SEMA4A: variants seen among roughly 807,000 people sequenced by gnomAD.
SEMA4A encodes semaphorin 4A.
SEMA4A carries 52 observed loss-of-function variants against 72.5 expected under a neutral mutation model. That is an observed-to-expected ratio of 0.72 (90% confidence interval 0.57 to 0.90). The LOEUF (loss-of-function observed/expected upper bound fraction) is 0.90. Among genes scored for constraint, SEMA4A ranks in the 40% least tolerant of loss-of-function variants. The probability of loss-of-function intolerance (pLI) is 0.00; values close to 1 mark genes in which losing one functional copy is unlikely to be tolerated. For synonymous variants in SEMA4A, 369 were observed against 393.1 expected (o/e 0.94, Z 0.73); for missense variants, 926 against 959.7 (o/e 0.96, Z 0.46).
intron 7 of SEMA4A, 109 bp downstream of exon 7, chr1:156,160,668 G>T: frequency 9.3e-7 from 1 of 1,073,784 alleles, no homozygotes; most frequent in South Asian, 1.3e-5. Flanking sequence ...GTTAGGCGCA[G>T]GGGGTATATG....
chr1:156,168,476 G>T (rs570388161), intron 10 of SEMA4A, among the ~76,000 whole-genome samples: 1 of 152,052 alleles, frequency 6.6e-6, no homozygotes, highest in East Asian at 1.9e-4. Flanking sequence ...TGCCCGTCTC[G>T]GCCTCCCAAA....
At chr1:156,161,310 G>GGGGGGGGGGGGGGGGGGCCCC in intron 8 of SEMA4A, 36 bp from the exon 9 acceptor site, 2 of 1,381,208 alleles carry the variant, frequency 1.4e-6, no homozygotes, top group East Asian at 2.8e-5. Context: ...GGGTCGGGGC[G>GGGGGGGGGGGGGGGGGGCCCC]CCCGGGGCGC....
intron 2 of SEMA4A, 163 bp downstream of exon 2, chr1:156,154,880 A>G (rs1454746360): frequency 3.2e-6 from 3 of 929,318 alleles, no homozygotes; most frequent in Non-Finnish European, 4.7e-6. Context: ...AGAGAGACAC[A>G]GCCAGAAACA....
chr1:156,172,933 G>C lies in SEMA4A; in HGVS notation c.1242G>C (p.Glu414Asp). 6.2e-7 allele frequency: 1 copy of C among 1,614,162 alleles called. No homozygotes were observed. Among genetic ancestry groups the C allele is most frequent in the Non-Finnish European group, 8.5e-7 (1 of 1,180,000 alleles). Reference protein sequence around the residue: ...GTPLLVKSGVEYTRLAVETAQ... With the variant: ...GTPLLVKSGVDYTRLAVETAQ... ...CCCTGCTGGTGAAATCTGGCGTGGA[G>C]TATACACGGCTTGCAGTGGAGACAG... Residue 414 changes from glutamate (E) to aspartate (D), a missense_variant, in exon 11 of 15, where the codon GAG becomes GAC. Coordinates refer to ENST00000368285, the MANE Select transcript of SEMA4A (RefSeq NM_022367.4).
At chr1:156,163,293 G>A in intron 10 of SEMA4A, 199 bp downstream of exon 10, 1 of 621,346 alleles carries the variant, frequency 1.6e-6, no homozygotes, top group South Asian at 1.9e-5. Flanking sequence ...GCAGTTGCTG[G>A]AGCCATCTCC....
intron 3 of SEMA4A, among the ~76,000 whole-genome samples, chr1:156,156,798 C>G (rs1391952774): frequency 1.3e-5 from 2 of 148,682 alleles, no homozygotes; most frequent in Non-Finnish European, 3.0e-5. Flanking sequence ...GGCTGGAGTA[C>G]AGTGGCACGA....
At chr1:156,158,616 G>T in intron 5 of SEMA4A, 103 bp from the exon 6 acceptor site, 1 of 1,311,978 alleles carries the variant, frequency 7.6e-7, no homozygotes, top group Non-Finnish European at 1.1e-6. Flanking sequence ...CCTGGCCCCA[G>T]ACCAATTTCC....
At chr1:156,176,119 T>C (rs1182522598) in intron 14 of SEMA4A, among the ~76,000 whole-genome samples, 2 of 151,856 alleles carry the variant, frequency 1.3e-5, no homozygotes, top group East Asian at 3.9e-4. Context: ...TAAAACCCCA[T>C]CTCTACAAAA....
chr1:156,161,527 C>A lies in SEMA4A; in HGVS notation c.983+9C>A. 6.2e-7 allele frequency: 1 copy of A among 1,613,600 alleles called. No homozygotes were observed. Among genetic ancestry groups the A allele is most frequent in the Non-Finnish European group, 8.5e-7 (1 of 1,179,848 alleles). On this transcript the variant is annotated intron_variant, in intron 9 of 14. Coordinates refer to ENST00000368285, the MANE Select transcript of SEMA4A (RefSeq NM_022367.4). ...GTCTTCACCTCCCAGTGGTGAGCAG[C>A]AGGGCTGGACCATGGGGGCTGGACA... is the stretch of plus-strand genomic sequence containing the variant.
At chr1:156,173,073 G>A (rs1292811240) in intron 11 of SEMA4A, 67 bp downstream of exon 11, 1 of 1,481,384 alleles carries the variant, frequency 6.8e-7, no homozygotes, top group African/African-American at 1.4e-5. Context: ...GTTGAGGAGG[G>A]AAACCCTTGA....
chr1:156,159,030 T>TAAA, intron 6 of SEMA4A: 12 of 190,108 alleles, frequency 6.3e-5, no homozygotes, highest in South Asian at 1.0e-4. Flanking sequence ...CGAGATCGTC[T>TAAA]CAAAAAAAAA....
intron 7 of SEMA4A, 91 bp downstream of exon 7, chr1:156,160,650 C>A: frequency 1.7e-6 from 2 of 1,202,830 alleles, no homozygotes; most frequent in Non-Finnish European, 2.5e-6. Flanking sequence ...TACAATGTGT[C>A]CATTACTGTT....
rs1653265268 is a variant in SEMA4A at position 156,158,538 on chromosome 1, C to T, written c.462+52C>T. On this transcript the variant is annotated intron_variant, in intron 5 of 14. Coordinates refer to ENST00000368285, the MANE Select transcript of SEMA4A (RefSeq NM_022367.4). Reference sequence around the variant, plus strand: ...GGCCCCCAAGCATCCCTTCTCACATCTACCCACGACTTTCCTCTGTAGCTC... The same window carrying T: ...GGCCCCCAAGCATCCCTTCTCACATTTACCCACGACTTTCCTCTGTAGCTC... 3 of 1,447,182 alleles carry T rather than the reference C, an allele frequency of 2.1e-6. No homozygotes were observed. In the East Asian group the frequency reaches 6.8e-5, roughly 33 times the overall value. 89.6% of individuals were successfully genotyped at this position (1,447,182 alleles called of 1,614,324 possible).
chr1:156,153,495 A>G (rs1407474197), upstream of SEMA4A: 1 of 152,154 alleles, frequency 6.6e-6, no homozygotes, highest in Non-Finnish European at 1.5e-5. Flanking sequence ...ACGTCTTTTT[A>G]TTCCCTCCCA....
In SEMA4A at chr1:156,176,419, GCTGTCCCCAACTCCAT is replaced by G; in HGVS notation, c.1710_1725del (p.Val571TrpfsTer37). The G allele has an allele frequency of 6.2e-7, 1 of 1,613,664 alleles. No individual in the cohort carries two copies. ...TTCTCCTACAGTTAAAGAAGTCCTG[GCTGTCCCCAACTCCAT>G]CCTGGAGCTCCCCTGCCCCCACCTG... is the stretch of plus-strand genomic sequence containing the variant. On this transcript the variant is annotated frameshift_variant, in exon 15 of 15. Coordinates refer to ENST00000368285, the MANE Select transcript of SEMA4A (RefSeq NM_022367.4). LOFTEE classifies it high-confidence loss of function.
chr1:156,161,263 C>A, intron 8 of SEMA4A, 83 bp from the exon 9 acceptor site: 1 of 585,898 alleles, frequency 1.7e-6, no homozygotes, highest in Non-Finnish European at 2.2e-6. Flanking sequence ...GGGGACACGC[C>A]GAGCTGCGGG....
chr1:156,171,373 AAGG>A (rs1445526266), intron 10 of SEMA4A, among the ~76,000 whole-genome samples: 1 of 152,112 alleles, frequency 6.6e-6, no homozygotes, highest in Non-Finnish European at 1.5e-5. Flanking sequence ...GGGTGAGAAA[AAGG>A]AGGCTCAGAA....
At chr1:156,164,332 C>T (rs1488003398) in intron 10 of SEMA4A, among the ~76,000 whole-genome samples, 1 of 152,120 alleles carries the variant, frequency 6.6e-6, no homozygotes. Flanking sequence ...CAGTTTCAGA[C>T]AGTATCTGTT....
intron 7 of SEMA4A, 85 bp downstream of exon 7, chr1:156,160,644 A>ATG: frequency 8.0e-7 from 1 of 1,247,344 alleles, no homozygotes. Context: ...GGAAGGTACA[A>ATG]TGTGTCCATT....
Sources: gnomAD v4.1 joint callset for allele counts (sites outside exome capture counted in the v4.1 genomes callset) on GRCh38, gnomAD v4.1.1 for gene constraint, MANE v1.5 for transcripts, NCBI Gene and HGNC (gene_info 2026-07-23, HGNC 2026-07-21) for gene names.